The following UTRN variants were observed in gnomAD, a reference collection of about 807,000 sequenced individuals.
UTRN encodes the protein utrophin.
A neutral mutation model predicts 463.9 loss-of-function variants in UTRN; 283 were observed. The ratio of observed to expected loss-of-function variants is 0.61; its 90% CI spans 0.55 to 0.67. UTRN has a LOEUF of 0.67. Ranked by LOEUF, UTRN falls within the 30% of genes least tolerant of loss-of-function variation. UTRN has a pLI of 0.00. For synonymous variants in UTRN, 1,442 were observed against 1,431.5 expected (o/e 1.01, Z -0.17); for missense variants, 3,922 against 4,084.3 (o/e 0.96, Z 1.08).
At position 144,812,306 on chromosome 6, in the gene UTRN, G is replaced by T. The variant is rs1479558291; in HGVS notation, c.9358-8576G>T. Among the ~76,000 whole-genome samples, 3 of 152,070 alleles carry T rather than the reference G, an allele frequency of 2.0e-5. No homozygotes were observed. In the East Asian group the frequency reaches 5.8e-4, roughly 29 times the overall value. On this transcript the variant is annotated intron_variant, in intron 65 of 74. Coordinates refer to ENST00000367545, the MANE Select transcript of UTRN (RefSeq NM_007124.3). ...GGGGATAATAATAAGAGTCCTTTGA[G>T]CTGACCTAGTAAAGCCGTTTATTCA...
intron 51 of UTRN, among the ~76,000 whole-genome samples, chr6:144,591,375 T>C (rs575286811): frequency 6.6e-6 from 1 of 152,258 alleles, no homozygotes; most frequent in South Asian, 2.1e-4. Context: ...AAGAAAAAAC[T>C]TCCCTTGACC....
chr6:144,604,145 C>T, intron 51 of UTRN, among the ~76,000 whole-genome samples: 1 of 152,142 alleles, frequency 6.6e-6, no homozygotes, highest in Non-Finnish European at 1.5e-5. Flanking sequence ...AACAGTAAGT[C>T]ATATCTCTGA....
intron 53 of UTRN, among the ~76,000 whole-genome samples, chr6:144,700,822 C>T (rs915026962): frequency 6.6e-6 from 1 of 151,734 alleles, no homozygotes; most frequent in African/African-American, 2.4e-5. Context: ...CAACCTCTGC[C>T]TCCCAGGTTC....
chr6:144,499,124 T>C (rs962542604), intron 33 of UTRN, 133 bp from the exon 34 acceptor site: 2 of 946,114 alleles, frequency 2.1e-6, no homozygotes, highest in African/African-American at 3.3e-5. Context: ...TCTAAGGTGC[T>C]AAGACAAAGG....
At chr6:144,675,751 A>G (rs114626358) in intron 51 of UTRN, among the ~76,000 whole-genome samples, 2,177 of 152,234 alleles carry the variant, frequency 0.014, 47 homozygotes, top group African/African-American at 0.05. Context: ...TTGCAGTGGC[A>G]AGTTGCTTCC....
chr6:144,311,193 G>A (rs1436104917), intron 2 of UTRN, among the ~76,000 whole-genome samples: 2 of 152,202 alleles, frequency 1.3e-5, no homozygotes, highest in Non-Finnish European at 2.9e-5. Flanking sequence ...GGAAAGTAAC[G>A]ATGCGAATAC....
intron 2 of UTRN, among the ~76,000 whole-genome samples, chr6:144,350,963 T>C (rs1317919615): frequency 6.6e-6 from 1 of 152,230 alleles, no homozygotes; most frequent in Admixed American, 6.5e-5. Context: ...CTGAGACTAG[T>C]AGTTATTTAG....
chr6:144,490,131 C>T lies in UTRN; in HGVS notation c.4195C>T (p.Arg1399Cys), dbSNP rs1245654892. The change falls in exon 31 of 75, where the codon CGT becomes TGT. Residue 1399 changes from arginine to cysteine, a missense_variant. By Grantham distance (180) the Arg-to-Cys change is radical. This residue lies in a region of UTRN where 2,349 missense variants were observed against 2,303.8 expected (regional missense o/e 1.02). Transcript: ENST00000367545. The part of the protein sequence containing the change: ...LTLEELRRNM[R>C]SQPLTSPESR... The stretch of plus-strand genomic sequence containing the variant: ...CCTAGAGGAGTTGAGAAGAAATATG[C>T]GTTCTCAGCCCCTGACCTCCCCAGA... 9 of 1,613,254 alleles carry T rather than the reference C, an allele frequency of 5.6e-6. No homozygotes were observed. Among genetic ancestry groups the T allele is most frequent in the African/African-American group, 1.3e-5 (1 of 74,830 alleles).
At chr6:144,378,951 G>T (rs1278454809) in intron 2 of UTRN, among the ~76,000 whole-genome samples, 1 of 152,214 alleles carries the variant, frequency 6.6e-6, no homozygotes, top group African/African-American at 2.4e-5. Flanking sequence ...GGTATTAGAA[G>T]AAAGGATTCA....
At chr6:144,382,276 G>T (rs1781004018) in intron 2 of UTRN, among the ~76,000 whole-genome samples, 1 of 152,216 alleles carries the variant, frequency 6.6e-6, no homozygotes, top group Non-Finnish European at 1.5e-5. Flanking sequence ...TCCTATATGT[G>T]GCTTAGGTAA....
chr6:144,748,588 C>A (rs1455537895), intron 55 of UTRN, 74 bp downstream of exon 55: 1 of 1,531,236 alleles, frequency 6.5e-7, no homozygotes. Flanking sequence ...AAGAGAGCCA[C>A]GTATATAAAT....
chr6:144,537,971 T>C (rs922971040), intron 44 of UTRN, among the ~76,000 whole-genome samples: 1 of 152,228 alleles, frequency 6.6e-6, no homozygotes, highest in Admixed American at 6.5e-5. Flanking sequence ...TTTTAGGATA[T>C]TGTAAACTGA....
chr6:144,699,472 G>GTTTTTTTTTT (rs1210591375), intron 52 of UTRN, among the ~76,000 whole-genome samples: 1 of 71,080 alleles, frequency 1.4e-5, no homozygotes, highest in African/African-American at 5.6e-5. Context: ...ATTAGTCAGT[G>GTTTTTTTTTT]GTTTTTTTTT....
At chr6:144,459,711 C>G (rs1789220012) in intron 21 of UTRN, among the ~76,000 whole-genome samples, 1 of 152,130 alleles carries the variant, frequency 6.6e-6, no homozygotes, top group Non-Finnish European at 1.5e-5. Context: ...CTGCCTCAGC[C>G]TACTGAGTAG....
At chr6:144,385,156 A>G (rs1310414587) in intron 2 of UTRN, among the ~76,000 whole-genome samples, 15 of 152,164 alleles carry the variant, frequency 9.9e-5, no homozygotes. Flanking sequence ...AAAAGATGCC[A>G]TTGCAGTGCT....
In UTRN at chr6:144,599,362, G is replaced by A. The variant is rs116818906; in HGVS notation, c.7479+22074G>A. On this transcript the variant is annotated intron_variant, in intron 51 of 74. Transcript: ENST00000367545. The stretch of plus-strand genomic sequence containing the variant: ...TAAACAAATAATTAAGGTAATTAAC[G>A]AAGCAGTGAGGGACACACTGGGTTG... Among the ~76,000 whole-genome samples, 459 of 152,248 alleles carry A rather than the reference G, an allele frequency of 3.0e-3. 2 individuals carry two copies. The highest frequency in any genetic ancestry group is 0.01 in the African/African-American group (430 of 41,554).
Position 144,516,847 on chromosome 6 carries a change from C to G in UTRN, c.5440C>G (p.Gln1814Glu), listed in dbSNP as rs1188372097. ...EESAQIEEVLQRGEEMLHQPM... is the reference protein window; with the variant it reads ...EESAQIEEVLERGEEMLHQPM... The stretch of plus-strand genomic sequence containing the variant: ...GAGTGCCCAGATTGAGGAAGTTCTA[C>G]AAAGAGGAGAAGAAATGTTACATCA... Residue 1814 changes from glutamine to glutamate, a missense_variant, in exon 39 of 75, where the codon CAA becomes GAA. Coordinates refer to ENST00000367545, the MANE Select transcript of UTRN (RefSeq NM_007124.3). The G allele has an allele frequency of 6.6e-7, 1 of 1,505,784 alleles. No homozygotes were observed. Among genetic ancestry groups the G allele is most frequent in the Middle Eastern group, 1.8e-4 (1 of 5,408 alleles). 93.3% of individuals were successfully genotyped at this position (1,505,784 alleles called of 1,614,324 possible). A position where few individuals can be genotyped will look rare whatever the true frequency, so the allele number is the denominator to read the frequency against.
chr6:144,311,592 A>G (rs1806271813), intron 2 of UTRN: 1 of 152,232 alleles, frequency 6.6e-6, no homozygotes, highest in Non-Finnish European at 1.5e-5. Context: ...TTGTAAGGTA[A>G]GGAGTATGGA....
chr6:144,708,416 A>G (rs1785310495), intron 53 of UTRN: 4 of 636,096 alleles, frequency 6.3e-6, no homozygotes, highest in Admixed American at 6.2e-5. Context: ...GGCCTCTCAT[A>G]TTTTCCTTTC....
Sources: gnomAD v4.1 joint callset for allele counts (sites outside exome capture counted in the v4.1 genomes callset) on GRCh38, gnomAD v4.1.1 for gene constraint, gnomAD v4.1.1 regional missense constraint, MANE v1.5 for transcripts, NCBI Gene and HGNC (gene_info 2026-07-23, HGNC 2026-07-21) for gene names.